The following ZNF443 variants were observed in gnomAD, a reference collection of about 807,000 sequenced individuals.
The protein encoded by ZNF443 is zinc finger protein 443, also known as Kruppel-type zinc finger (C2H2).
A neutral mutation model predicts 12.0 loss-of-function variants in ZNF443; 3 were observed. That is an observed-to-expected ratio of 0.25 (90% confidence interval 0.11 to 0.64). ZNF443 has a LOEUF of 0.64. Ranked by LOEUF, ZNF443 falls within the 30% of genes least tolerant of loss-of-function variation. The pLI is 0.84. For synonymous variants in ZNF443, 225 were observed against 265.9 expected (o/e 0.85, Z 1.50); for missense variants, 770 against 808.8 (o/e 0.95, Z 0.58).
chr19:12,431,571 A>G lies in ZNF443; in HGVS notation c.601T>C (p.Leu201=), dbSNP rs1281240729. The part of the protein sequence containing the change: ...QRGDGPYKCK[L]CGKAFFWPSL... ...GGCCAAAAAAACGCTTTCCCACACA[A>G]CTTACATTTATAAGGTCCATCTCCA... The change falls in exon 4 of 4, where the codon TTG becomes CTG. Residue 201 remains leucine, a synonymous_variant. Transcript: ENST00000301547. 1 of 1,613,992 alleles carries G rather than the reference A, an allele frequency of 6.2e-7. No homozygotes were observed. The highest frequency in any genetic ancestry group is 2.2e-5 in the East Asian group (1 of 44,898).
At chr19:12,434,330 G>A (rs761879686) in intron 1 of ZNF443, among the ~76,000 whole-genome samples, 20 of 152,260 alleles carry the variant, frequency 1.3e-4, no homozygotes, top group South Asian at 2.1e-4. Context: ...ATATTTGGAA[G>A]CTGGCAACTA....
rs112313207 is a variant in ZNF443, at chr19:12,436,582, C to CAA, written c.4-3387_4-3386dup. 1.5e-4 allele frequency among the ~76,000 whole-genome samples: 22 copies of CAA among 146,504 alleles called. No individual in the cohort carries two copies. In the East Asian group the frequency reaches 2.2e-3, roughly 15 times the overall value. On this transcript the variant is annotated intron_variant, in intron 1 of 3. Coordinates refer to ENST00000301547, the MANE Select transcript of ZNF443 (RefSeq NM_005815.5). ...CAAGTGTTCAACAGATGTGAGCAGC[C>CAA]AAAAAAAAAATCAGTTAAAATGATG...
intron 1 of ZNF443, among the ~76,000 whole-genome samples, chr19:12,440,666 C>T (rs1475112973): frequency 1.3e-5 from 2 of 152,202 alleles, no homozygotes; most frequent in Non-Finnish European, 2.9e-5. Context: ...CCCGGGGCTG[C>T]GGGCTCGGAG....
chr19:12,430,533 A>T lies in ZNF443; in HGVS notation c.1639T>A (p.Leu547Ile). The change falls in exon 4 of 4, where the codon TTA (leucine) becomes ATA (isoleucine). Residue 547 changes from leucine (L) to isoleucine (I), a missense_variant. By Grantham distance (5) the Leu-to-Ile change is conservative. Transcript: ENST00000301547. ...CRKAFGHYDN[L>I]KVHERIHSGE... ...GAGTGAATTCTTTCATGTACCTTTA[A>T]GTTATCATAATGACCGAAGGCTTTC... 1 of 1,614,078 alleles carries T rather than the reference A, an allele frequency of 6.2e-7. No individual in the cohort carries two copies. Among genetic ancestry groups the T allele is most frequent in the Non-Finnish European group, 8.5e-7 (1 of 1,179,980 alleles).
intron 1 of ZNF443, among the ~76,000 whole-genome samples, chr19:12,438,737 A>T (rs1408494103): frequency 6.6e-6 from 1 of 152,186 alleles, no homozygotes; most frequent in African/African-American, 2.4e-5. Context: ...CAAAAAAAAT[A>T]AATAAAGGCT....
intron 1 of ZNF443, among the ~76,000 whole-genome samples, chr19:12,435,381 G>C (rs937884592): frequency 2.6e-5 from 4 of 152,118 alleles, no homozygotes; most frequent in Non-Finnish European, 5.9e-5. Context: ...GTAGACAACT[G>C]CAAGAACAGA....
At chr19:12,434,472 A>G (rs1164562218) in intron 1 of ZNF443, among the ~76,000 whole-genome samples, 1 of 152,182 alleles carries the variant, frequency 6.6e-6, no homozygotes, top group African/African-American at 2.4e-5. Flanking sequence ...GAAAGACTGC[A>G]TATATTCTTA....
intron 1 of ZNF443, among the ~76,000 whole-genome samples, chr19:12,434,107 C>A (rs1010018950): frequency 6.6e-6 from 1 of 152,120 alleles, no homozygotes; most frequent in African/African-American, 2.4e-5. Flanking sequence ...TCCCGGCCTC[C>A]AGAAATGTAA....
In ZNF443 at chr19:12,430,090, A is replaced by T; in HGVS notation, c.*66T>A. ...AGGGTCTATCTCCAATGTGTTTCGT[A>T]CAAGTATCTGAAATGAAATAAAATT... On this transcript the variant is annotated 3_prime_UTR_variant, in exon 4 of 4. Transcript: ENST00000301547. 6.2e-7 allele frequency: 1 copy of T among 1,603,068 alleles called. No individual in the cohort carries two copies. Among genetic ancestry groups the T allele is most frequent in the Non-Finnish European group, 8.5e-7 (1 of 1,174,356 alleles).
Position 12,431,921 on chromosome 19 carries a change from G to C in ZNF443, c.251C>G (p.Ser84Cys). The change falls in exon 4 of 4, where the codon TCT becomes TGT. Residue 84 changes from serine to cysteine, a missense_variant. Physicochemically the swap from Ser to Cys is moderately radical, Grantham distance 112. Coordinates refer to ENST00000301547, the MANE Select transcript of ZNF443 (RefSeq NM_005815.5). ...CACAATACTATCTTGAATCTGGCTA[G>C]ATGTTTCTCCACATTGAGTTCCATC... The part of the protein sequence containing the change: ...SKDGTQCGET[S>C]SQIQDSIVTK... The C allele has an allele frequency of 1.2e-6, 2 of 1,609,846 alleles. No individual in the cohort carries two copies. Among genetic ancestry groups the C allele is most frequent in the Non-Finnish European group, 1.7e-6 (2 of 1,178,422 alleles).
intron 1 of ZNF443, among the ~76,000 whole-genome samples, chr19:12,436,806 T>G (rs1970315518): frequency 6.6e-6 from 1 of 151,614 alleles, no homozygotes; most frequent in Admixed American, 6.6e-5. Flanking sequence ...TGCATATATA[T>G]GAAGAGCATT....
chr19:12,431,893 G>A lies in ZNF443; in HGVS notation c.279C>T (p.Thr93=), dbSNP rs111422841. 1,352 of 1,613,850 alleles carry A rather than the reference G, an allele frequency of 8.4e-4. 12 individuals carry two copies. In the African/African-American group the frequency reaches 0.016, roughly 19 times the overall value. Reference sequence around the variant, plus strand: ...GACCTACTCCAGGAAGAGTGTTCTTGGTCACAATACTATCTTGAATCTGGC... The same window carrying A: ...GACCTACTCCAGGAAGAGTGTTCTTAGTCACAATACTATCTTGAATCTGGC... ...TSSQIQDSIV[T]KNTLPGVGPC... The change falls in exon 4 of 4, where the codon ACC becomes ACT. Residue 93 remains threonine (T), a synonymous_variant. Transcript: ENST00000301547.
At chr19:12,433,865 GT>G (rs1970282971) in intron 1 of ZNF443, among the ~76,000 whole-genome samples, 1 of 150,700 alleles carries the variant, frequency 6.6e-6, no homozygotes, top group African/African-American at 2.4e-5. Context: ...GAAAAAAAAA[GT>G]GGGGGCTTTA....
At chr19:12,435,301 C>T (rs1447992703) in intron 1 of ZNF443, among the ~76,000 whole-genome samples, 1 of 152,008 alleles carries the variant, frequency 6.6e-6, no homozygotes, top group Admixed American at 6.6e-5. Context: ...ACTTTATCTA[C>T]AATATAACAC....
At chr19:12,439,873 G>A (rs1161942993) in intron 1 of ZNF443, among the ~76,000 whole-genome samples, 1 of 152,040 alleles carries the variant, frequency 6.6e-6, no homozygotes. Context: ...ATCGCCTGGG[G>A]CCAAACAGTT....
At chr19:12,436,509 A>G (rs1970310456) in intron 1 of ZNF443, among the ~76,000 whole-genome samples, 2 of 152,122 alleles carry the variant, frequency 1.3e-5, no homozygotes, top group Non-Finnish European at 2.9e-5. Context: ...ATTTAGCCAT[A>G]TAGAATTTAT....
Position 12,429,885 on chromosome 19 carries a change from T to C in ZNF443, c.*271A>G, listed in dbSNP as rs1970230516. On this transcript the variant is annotated 3_prime_UTR_variant, in exon 4 of 4. Coordinates refer to ENST00000301547, the MANE Select transcript of ZNF443 (RefSeq NM_005815.5). The stretch of plus-strand genomic sequence containing the variant: ...AATGCATGAGGTATTTTAAGTAATC[T>C]AGACATAATTGAGACTATACAAGAG... 3.5e-6 allele frequency: 2 copies of C among 565,450 alleles called. No individual in the cohort carries two copies. The highest frequency in any genetic ancestry group is 6.2e-6 in the Non-Finnish European group (2 of 323,818). 35.0% of individuals were successfully genotyped at this position (565,450 alleles called of 1,614,324 possible).
intron 1 of ZNF443, among the ~76,000 whole-genome samples, chr19:12,434,578 T>C (rs1281804684): frequency 6.6e-6 from 1 of 152,074 alleles, no homozygotes; most frequent in Non-Finnish European, 1.5e-5. Context: ...CATTACCAAG[T>C]CTAATAGAAC....
In ZNF443 at chr19:12,431,740, T is replaced by C; in HGVS notation, c.432A>G (p.Lys144=). Residue 144 remains lysine (K), a synonymous_variant, in exon 4 of 4, where the codon AAA becomes AAG. Transcript: ENST00000301547. ...GGTAACTGAAGGCTTTCCCACGTTGTTTATGCGTATCTGGCTTCTCTCCAC... is the reference window on the plus strand; with the variant it reads ...GGTAACTGAAGGCTTTCCCACGTTGCTTATGCGTATCTGGCTTCTCTCCAC... The part of the protein sequence containing the change: ...HECGEKPDTH[K]QRGKAFSYHN... 6.2e-7 allele frequency: 1 copy of C among 1,614,206 alleles called. No individual in the cohort carries two copies. The highest frequency in any genetic ancestry group is 8.5e-7 in the Non-Finnish European group (1 of 1,180,016).
Sources: allele counts gnomAD v4.1 joint callset (sites outside exome capture counted in the v4.1 genomes callset), GRCh38; gene constraint gnomAD v4.1.1; transcripts MANE v1.5; gene names NCBI Gene and HGNC (gene_info 2026-07-23, HGNC 2026-07-21).